ELP4: variants seen among roughly 807,000 people sequenced by gnomAD.
The protein encoded by ELP4 is elongator acetyltransferase complex subunit 4.
A neutral mutation model predicts 48.9 loss-of-function variants in ELP4; 51 were observed. The observed-to-expected ratio is 1.04, with a 90% CI of 0.83 to 1.32. The LOEUF is 1.32. Among genes scored for constraint, ELP4 ranks in the 40% most tolerant of loss-of-function variants. The pLI, the probability that ELP4 is intolerant of heterozygous loss-of-function variation, is 0.00. For missense variants in ELP4, 519 were observed against 514.6 expected (o/e 1.01, Z -0.08); for synonymous variants, 210 against 189.2 (o/e 1.11, Z -0.90).
intron 9 of ELP4, among the ~76,000 whole-genome samples, chr11:31,701,674 A>G (rs1436064375): frequency 1.3e-5 from 2 of 150,324 alleles, no homozygotes; most frequent in African/African-American, 4.9e-5. Context: ...CTTAAGCCCT[A>G]TATATATTTC....
rs567140651 is a variant in ELP4 at position 31,525,447 on chromosome 11, G to A, written c.259+5356G>A. On this transcript the variant is annotated intron_variant, in intron 2 of 9. Transcript: ENST00000640961. ...ATGAACAGTACATATATAACATGCC[G>A]ATATAAGGAGTATGAAAAAGACTTA... 8.5e-5 allele frequency among the ~76,000 whole-genome samples: 13 copies of A among 152,260 alleles called. No homozygotes were observed. In the East Asian group the frequency reaches 9.6e-4, roughly 11 times the overall value.
At chr11:31,741,203 C>T (rs541957136) in intron 9 of ELP4, among the ~76,000 whole-genome samples, 1 of 152,260 alleles carries the variant, frequency 6.6e-6, no homozygotes, top group East Asian at 1.9e-4. Context: ...GGGGCGCCCG[C>T]CATAGCCGAG....
chr11:31,523,982 T>C (rs528533601), intron 2 of ELP4, among the ~76,000 whole-genome samples: 1 of 152,244 alleles, frequency 6.6e-6, no homozygotes, highest in South Asian at 2.1e-4. Context: ...AAAGGTTTAA[T>C]AGAAGTTGTC....
chr11:31,739,162 T>A (rs898149135), intron 9 of ELP4, among the ~76,000 whole-genome samples: 4 of 152,078 alleles, frequency 2.6e-5, no homozygotes, highest in African/African-American at 9.7e-5. Context: ...AATGTTAGGA[T>A]GAGACAGATT....
At chr11:31,526,239 A>C (rs1440318056) in intron 2 of ELP4, among the ~76,000 whole-genome samples, 2 of 152,124 alleles carry the variant, frequency 1.3e-5, no homozygotes, top group African/African-American at 2.4e-5. Context: ...TTCACAATCA[A>C]ATTTCTCATT....
Position 31,790,221 on chromosome 11 carries a change from T to C in ELP4, c.*6697T>C, listed in dbSNP as rs1949429821. 5.4e-6 allele frequency: 3 copies of C among 552,326 alleles called. No individual in the cohort carries two copies. The highest frequency in any genetic ancestry group is 6.2e-6 in the Non-Finnish European group (2 of 321,090). 34.2% of individuals were successfully genotyped at this position (552,326 alleles called of 1,614,324 possible). A position where few individuals can be genotyped will look rare whatever the true frequency, so the allele number is the denominator to read the frequency against. On this transcript the variant is annotated 3_prime_UTR_variant, in exon 10 of 10. Coordinates refer to ENST00000640961, the MANE Select transcript of ELP4 (RefSeq NM_019040.5). ...TAGACAATATATGTATATATACCTA[T>C]TGGATCCCAAGTACCCCCCACCCCA...
intron 7 of ELP4, among the ~76,000 whole-genome samples, chr11:31,640,233 TATTTA>T (rs1945064588): frequency 6.6e-6 from 1 of 151,984 alleles, no homozygotes; most frequent in Non-Finnish European, 1.5e-5. Context: ...AGTACAACTT[TATTTA>T]ATTTTTCATT....
intron 3 of ELP4, among the ~76,000 whole-genome samples, chr11:31,561,529 C>T (rs913876937): frequency 7.9e-5 from 12 of 152,140 alleles, no homozygotes; most frequent in African/African-American, 2.7e-4. Flanking sequence ...GTACCCTCCA[C>T]CTACCGGGTT....
At chr11:31,782,009 T>A (rs1592307965) in intron 9 of ELP4, among the ~76,000 whole-genome samples, 1 of 152,212 alleles carries the variant, frequency 6.6e-6, no homozygotes, top group South Asian at 2.1e-4. Flanking sequence ...GATATTACTC[T>A]ATGAGTGTTA....
intron 9 of ELP4, among the ~76,000 whole-genome samples, chr11:31,763,835 A>T (rs961403424): frequency 2.0e-5 from 3 of 151,948 alleles, no homozygotes; most frequent in African/African-American, 7.3e-5. Context: ...ATGAGTTTTC[A>T]ATGTCATTTT....
At chr11:31,542,662 G>GT (rs200698673) in intron 3 of ELP4, among the ~76,000 whole-genome samples, 1,558 of 152,244 alleles carry the variant, frequency 0.01, 20 homozygotes, top group Non-Finnish European at 0.015. Context: ...GTAACCAACT[G>GT]TTTTCAAGTA....
chr11:31,746,814 A>C (rs188451269), intron 9 of ELP4, among the ~76,000 whole-genome samples: 1,902 of 152,244 alleles, frequency 0.012, 36 homozygotes, highest in Non-Finnish European at 0.017. Flanking sequence ...GGTGCAGCAC[A>C]CCAACATGGC....
At chr11:31,744,133 A>G (rs1167907301) in intron 9 of ELP4, among the ~76,000 whole-genome samples, 1 of 152,246 alleles carries the variant, frequency 6.6e-6, no homozygotes, top group Admixed American at 6.5e-5. Context: ...AATAAACTAG[A>G]AAATCTGGAA....
At chr11:31,735,710 G>A (rs1471597369) in intron 9 of ELP4, among the ~76,000 whole-genome samples, 1 of 152,096 alleles carries the variant, frequency 6.6e-6, no homozygotes, top group Non-Finnish European at 1.5e-5. Context: ...AATCATGAGT[G>A]AACTCCCATT....
At chr11:31,588,194 A>G (rs988209754) in intron 3 of ELP4, among the ~76,000 whole-genome samples, 3 of 152,168 alleles carry the variant, frequency 2.0e-5, no homozygotes, top group Non-Finnish European at 4.4e-5. Context: ...TCTTTTTAAT[A>G]ATATGTTTAT....
chr11:31,727,177 G>A lies in ELP4; in HGVS notation c.1144-56216G>A, dbSNP rs151274351. Among the ~76,000 whole-genome samples the A allele has an allele frequency of 5.7e-3, 857 of 151,484 alleles. 11 individuals carry two copies. Among genetic ancestry groups the A allele is most frequent in the African/African-American group, 0.02 (826 of 41,346 alleles). ...ACAGTTTTTTTTTTTTAACTTTAAAGTGAACATATGTAGAGTTTTTATTTG... is the reference window on the plus strand; with the variant it reads ...ACAGTTTTTTTTTTTTAACTTTAAAATGAACATATGTAGAGTTTTTATTTG... On this transcript the variant is annotated intron_variant, in intron 9 of 9. Coordinates refer to ENST00000640961, the MANE Select transcript of ELP4 (RefSeq NM_019040.5).
chr11:31,715,592 A>G (rs1946828180), intron 9 of ELP4, among the ~76,000 whole-genome samples: 1 of 152,216 alleles, frequency 6.6e-6, no homozygotes, highest in Non-Finnish European at 1.5e-5. Flanking sequence ...TGGAACCAAC[A>G]AGCAAGTATG....
intron 9 of ELP4, among the ~76,000 whole-genome samples, chr11:31,665,107 G>A (rs567309711): frequency 2.6e-5 from 4 of 152,126 alleles, no homozygotes; most frequent in South Asian, 4.2e-4. Context: ...TTTCCCAAGC[G>A]GCAGTTTGGA....
chr11:31,543,414 G>T (rs1374548877), intron 3 of ELP4, among the ~76,000 whole-genome samples: 2 of 151,980 alleles, frequency 1.3e-5, no homozygotes, highest in Non-Finnish European at 2.9e-5. Context: ...CCGCCTCCCG[G>T]GTTCATGCCA....
Sources: allele counts gnomAD v4.1 joint callset (sites outside exome capture counted in the v4.1 genomes callset), GRCh38; gene constraint gnomAD v4.1.1; transcripts MANE v1.5; gene names NCBI Gene and HGNC (gene_info 2026-07-23, HGNC 2026-07-21).